Variants in CPEB3 observed in about 807,000 individuals in gnomAD.
CPEB3 encodes the protein cytoplasmic polyadenylation element binding protein 3, also known as cytoplasmic polyadenylation element-binding protein 3.
CPEB3 carries 20 observed loss-of-function variants against 67.2 expected under a neutral mutation model. That is an observed-to-expected ratio of 0.30 (90% CI 0.21 to 0.43). The LOEUF is 0.43. CPEB3 is among the 20% of genes least tolerant of loss of function. The probability of loss-of-function intolerance (pLI) is 1.00; values close to 1 mark genes in which losing one functional copy is unlikely to be tolerated. For synonymous variants in CPEB3, 376 were observed against 393.1 expected, an observed-to-expected ratio of 0.96 and a Z score of 0.51; for missense variants, 746 against 968.6, an observed-to-expected ratio of 0.77 and a Z score of 3.05.
chr10:92,255,640 C>A (rs1243893177), intron 1 of CPEB3, among the ~76,000 whole-genome samples: 1 of 152,138 alleles, frequency 6.6e-6, no homozygotes. Flanking sequence ...CTATTAACAC[C>A]CTGAACAAAG....
At chr10:92,170,110 C>T (rs1422463515) in intron 4 of CPEB3, among the ~76,000 whole-genome samples, 1 of 152,210 alleles carries the variant, frequency 6.6e-6, no homozygotes, top group Non-Finnish European at 1.5e-5. Flanking sequence ...GCCTTGACAT[C>T]TAGTCTCTTC....
chr10:92,140,284 A>C (rs892006184), intron 6 of CPEB3, among the ~76,000 whole-genome samples: 2 of 152,196 alleles, frequency 1.3e-5, no homozygotes, highest in African/African-American at 4.8e-5. Flanking sequence ...CAAAACAGAG[A>C]TATAGATCAA....
chr10:92,225,264 C>T (rs1033389035), intron 2 of CPEB3, among the ~76,000 whole-genome samples: 1 of 152,064 alleles, frequency 6.6e-6, no homozygotes, highest in Non-Finnish European at 1.5e-5. Flanking sequence ...TGAGCCACCG[C>T]GCCCAGCCTC....
At chr10:92,118,686 G>T in intron 6 of CPEB3, 1 of 691,090 alleles carries the variant, frequency 1.4e-6, no homozygotes, top group South Asian at 1.5e-5. Context: ...CATGTTGGTC[G>T]ACATTGCCTC....
At chr10:92,175,423 C>T (rs1242573525) in intron 4 of CPEB3, among the ~76,000 whole-genome samples, 1 of 151,914 alleles carries the variant, frequency 6.6e-6, no homozygotes, top group African/African-American at 2.4e-5. Flanking sequence ...TTTGTGTGGA[C>T]ATACGTTTTC....
At chr10:92,181,876 C>T (rs1035441465) in intron 3 of CPEB3, among the ~76,000 whole-genome samples, 2 of 152,176 alleles carry the variant, frequency 1.3e-5, no homozygotes, top group Non-Finnish European at 2.9e-5. Context: ...ACAGATGCTT[C>T]AACTAATGGC....
chr10:92,138,261 T>C (rs912167120), intron 6 of CPEB3: 1 of 221,682 alleles, frequency 4.5e-6, no homozygotes, highest in African/African-American at 2.3e-5. Context: ...GCCATAAGGG[T>C]GTGGCTATTA....
intron 2 of CPEB3, chr10:92,216,651 A>T: frequency 6.2e-7 from 1 of 1,607,160 alleles, no homozygotes; most frequent in Non-Finnish European, 8.5e-7. Context: ...CCCTATGTCT[A>T]TATCCCCTCT....
intron 2 of CPEB3, among the ~76,000 whole-genome samples, chr10:92,222,935 T>C (rs1850773667): frequency 6.6e-6 from 1 of 152,260 alleles, no homozygotes; most frequent in Non-Finnish European, 1.5e-5. Context: ...ACCTTATTAA[T>C]GATATCTCAG....
At chr10:92,107,042 G>A (rs1198250574) in intron 7 of CPEB3, among the ~76,000 whole-genome samples, 1 of 152,116 alleles carries the variant, frequency 6.6e-6, no homozygotes, top group African/African-American at 2.4e-5. Context: ...CCAAAGAGGT[G>A]TGAATGAAAA....
intron 4 of CPEB3, among the ~76,000 whole-genome samples, chr10:92,166,041 A>G (rs1847723457): frequency 6.6e-6 from 1 of 152,208 alleles, no homozygotes; most frequent in Non-Finnish European, 1.5e-5. Context: ...GAAGGTTTTC[A>G]ACTTTGCCTA....
chr10:92,112,626 G>C (rs576203383), intron 6 of CPEB3, among the ~76,000 whole-genome samples: 10 of 152,178 alleles, frequency 6.6e-5, no homozygotes, highest in African/African-American at 2.4e-4. Flanking sequence ...ATATTCAAGG[G>C]GCCACCTGTG....
At chr10:92,161,597 T>C (rs1847484663) in intron 4 of CPEB3, among the ~76,000 whole-genome samples, 1 of 151,730 alleles carries the variant, frequency 6.6e-6, no homozygotes, top group African/African-American at 2.4e-5. Context: ...TTATCATTCA[T>C]TGTGGAATTT....
In CPEB3 at chr10:92,134,653, GA is replaced by G. The variant is rs1171953621; in HGVS notation, c.1453+8375del. Among the ~76,000 whole-genome samples, 3 of 151,926 alleles carry G rather than the reference GA, an allele frequency of 2.0e-5. No homozygotes were observed. In the East Asian group the frequency reaches 5.8e-4, roughly 29 times the overall value. On this transcript the variant is annotated intron_variant, in intron 6 of 9. Coordinates refer to ENST00000265997, the MANE Select transcript of CPEB3 (RefSeq NM_014912.5). ...ACCAATGACTTTCTTCACAGAATTGGAAAAAACTACTTTAAAGTTCATATGG... is the reference window on the plus strand; with the variant it reads ...ACCAATGACTTTCTTCACAGAATTGGAAAAACTACTTTAAAGTTCATATGG...
intron 4 of CPEB3, among the ~76,000 whole-genome samples, chr10:92,171,415 C>T (rs1260034531): frequency 6.6e-6 from 1 of 152,274 alleles, no homozygotes; most frequent in South Asian, 2.1e-4. Context: ...TGGTCCTTTC[C>T]GTATCCCTTG....
chr10:92,235,050 G>A (rs574063459), intron 2 of CPEB3, among the ~76,000 whole-genome samples: 32 of 152,310 alleles, frequency 2.1e-4, no homozygotes, highest in Middle Eastern at 6.8e-3. Context: ...CACAGGGCCT[G>A]GCCCATAGGT....
chr10:92,243,356 C>T (rs891633725), intron 1 of CPEB3: 10 of 151,910 alleles, frequency 6.6e-5, no homozygotes, highest in African/African-American at 2.2e-4. Context: ...GACTTCAGCA[C>T]GTTCAGCCGG....
At chr10:92,229,994 C>T (rs1851187454) in intron 2 of CPEB3, among the ~76,000 whole-genome samples, 1 of 151,676 alleles carries the variant, frequency 6.6e-6, no homozygotes, top group African/African-American at 2.4e-5. Flanking sequence ...TGCGGTGAGC[C>T]GAGATCGCAC....
At chr10:92,232,275 G>A (rs1168156964) in intron 2 of CPEB3, among the ~76,000 whole-genome samples, 6 of 151,072 alleles carry the variant, frequency 4.0e-5, no homozygotes, top group African/African-American at 7.3e-5. Context: ...GGTTGGTCTC[G>A]AACTCCTGAC....
Sources: allele counts gnomAD v4.1 joint callset (sites outside exome capture counted in the v4.1 genomes callset), GRCh38; gene constraint gnomAD v4.1.1; transcripts MANE v1.5; gene names NCBI Gene and HGNC (gene_info 2026-07-23, HGNC 2026-07-21).